EDNRB: variants seen among roughly 807,000 people sequenced by gnomAD.
EDNRB encodes the protein Hirschsprung disease 2.
Under a neutral mutation model 46.4 loss-of-function variants are expected in EDNRB, and 18 were observed. The observed-to-expected ratio is 0.39, with a 90% CI of 0.27 to 0.57. The LOEUF (loss-of-function observed/expected upper bound fraction) is 0.57. Among genes scored for constraint, EDNRB ranks in the 20% least tolerant of loss-of-function variants. The pLI, the probability that EDNRB is intolerant of heterozygous loss-of-function variation, is 0.61. For synonymous variants in EDNRB, 213 were observed against 204.9 expected, an observed-to-expected ratio of 1.04 and a Z score of -0.34; for missense variants, 434 against 537.5, an observed-to-expected ratio of 0.81 and a Z score of 1.90.
intron 1 of EDNRB, among the ~76,000 whole-genome samples, chr13:77,954,963 A>G (rs1051549457): frequency 2.0e-5 from 3 of 152,166 alleles, no homozygotes; most frequent in Non-Finnish European, 2.9e-5. Flanking sequence ...TCTTGATTCC[A>G]ATTCTTTTAG....
At chr13:77,942,581 T>C (rs572724040) in intron 1 of EDNRB, among the ~76,000 whole-genome samples, 1 of 152,294 alleles carries the variant, frequency 6.6e-6, no homozygotes, top group African/African-American at 2.4e-5. Context: ...AGGGAGACGA[T>C]TTGAATCATT....
rs564687959 is a variant in EDNRB, at chr13:77,965,536, A to C, written c.-52+9811T>G. 3.9e-5 allele frequency among the ~76,000 whole-genome samples: 6 copies of C among 152,288 alleles called. 1 individual carries two copies. In the East Asian group the frequency reaches 1.2e-3, roughly 29 times the overall value. ...AGTAAATGTAATTCTGTTATTGTTC[A>C]AAACTCTGAGATTCTCTGATAATTT... On this transcript the variant is annotated intron_variant, in intron 1 of 7. Coordinates refer to the EDNRB transcript ENST00000646948.
intron 1 of EDNRB, among the ~76,000 whole-genome samples, chr13:77,937,889 G>A (rs1364183101): frequency 1.3e-5 from 2 of 152,162 alleles, no homozygotes; most frequent in African/African-American, 4.8e-5. Context: ...CGGGAACAGA[G>A]ACTAGGGAGG....
chr13:77,935,200 G>A (rs1257129687), intron 1 of EDNRB, among the ~76,000 whole-genome samples: 4 of 152,318 alleles, frequency 2.6e-5, no homozygotes, highest in South Asian at 2.1e-4. Flanking sequence ...GGGCGGCGGC[G>A]GCCGCCACAC....
At chr13:77,929,894 G>A (rs1880340775) in intron 1 of EDNRB, among the ~76,000 whole-genome samples, 1 of 152,166 alleles carries the variant, frequency 6.6e-6, no homozygotes, top group African/African-American at 2.4e-5. Flanking sequence ...ATTCAGTATA[G>A]TGCGTGGAAT....
At chr13:77,924,255 C>A (rs749485002), upstream of EDNRB, among the ~76,000 whole-genome samples, 2 of 152,164 alleles carry the variant, frequency 1.3e-5, no homozygotes, top group Admixed American at 6.5e-5. Context: ...TGCTTCTTCT[C>A]TTTTGGGCCC....
intron 1 of EDNRB, among the ~76,000 whole-genome samples, chr13:77,915,985 C>A (rs1033005584): frequency 6.6e-6 from 1 of 152,182 alleles, no homozygotes; most frequent in African/African-American, 2.4e-5. Flanking sequence ...ATTACAAATA[C>A]TCATTTAACC....
At chr13:77,932,904 T>C (rs1003848728) in intron 1 of EDNRB, among the ~76,000 whole-genome samples, 3 of 152,190 alleles carry the variant, frequency 2.0e-5, no homozygotes, top group Non-Finnish European at 2.9e-5. Flanking sequence ...GCATAATGAC[T>C]TTTGGAGAAT....
chr13:77,920,544 C>T (rs948944440), upstream of EDNRB, among the ~76,000 whole-genome samples: 1 of 152,168 alleles, frequency 6.6e-6, no homozygotes. Flanking sequence ...GGGACAAGAA[C>T]CTTGGATTTT....
At chr13:77,968,922 T>C (rs1045187731) in intron 1 of EDNRB, among the ~76,000 whole-genome samples, 1 of 152,130 alleles carries the variant, frequency 6.6e-6, no homozygotes, top group African/African-American at 2.4e-5. Flanking sequence ...TATTCAGGAG[T>C]AATGAGAGAC....
intron 1 of EDNRB, among the ~76,000 whole-genome samples, chr13:77,934,007 A>G (rs568851420): frequency 6.6e-6 from 1 of 152,348 alleles, no homozygotes; most frequent in African/African-American, 2.4e-5. Flanking sequence ...GAGGTTCAGC[A>G]TAGCCTTGCC....
intron 1 of EDNRB, among the ~76,000 whole-genome samples, chr13:77,943,694 T>C (rs987418079): frequency 1.3e-5 from 2 of 152,112 alleles, no homozygotes; most frequent in Non-Finnish European, 2.9e-5. Context: ...CCTTTCCTCA[T>C]GGAAACTTCA....
At chr13:77,948,902 CAT>C (rs781689886) in intron 1 of EDNRB, among the ~76,000 whole-genome samples, 4 of 152,256 alleles carry the variant, frequency 2.6e-5, no homozygotes, top group South Asian at 4.2e-4. Context: ...GGAAGTAAAA[CAT>C]AAAAGATTGC....
chr13:77,937,801 A>C (rs1880612170), intron 1 of EDNRB, among the ~76,000 whole-genome samples: 1 of 152,070 alleles, frequency 6.6e-6, no homozygotes, highest in African/African-American at 2.4e-5. Flanking sequence ...GGAAGATTAG[A>C]AAGACTCAGT....
At chr13:77,940,622 A>G (rs911723757) in intron 1 of EDNRB, among the ~76,000 whole-genome samples, 10 of 152,110 alleles carry the variant, frequency 6.6e-5, no homozygotes, top group Admixed American at 2.6e-4. Flanking sequence ...CATGAGAAGC[A>G]TGTATACTCA....
At chr13:77,970,447 G>A (rs940342979) in intron 1 of EDNRB, among the ~76,000 whole-genome samples, 9 of 152,248 alleles carry the variant, frequency 5.9e-5, no homozygotes, top group African/African-American at 1.9e-4. Flanking sequence ...AGCAATTCCT[G>A]TCCCTTTTTA....
intron 1 of EDNRB, among the ~76,000 whole-genome samples, chr13:77,960,109 ACT>A (rs1293147085): frequency 6.6e-5 from 10 of 152,338 alleles, no homozygotes; most frequent in Admixed American, 2.6e-4. Flanking sequence ...GTTGGAAAAC[ACT>A]CTGCAGAATA....
intron 1 of EDNRB, among the ~76,000 whole-genome samples, chr13:77,926,175 A>G (rs1880231446): frequency 6.6e-6 from 1 of 152,190 alleles, no homozygotes; most frequent in South Asian, 2.1e-4. Flanking sequence ...CATTTTCCCC[A>G]TGGTCTTTGG....
intron 3 of EDNRB, among the ~76,000 whole-genome samples, chr13:77,901,716 T>A (rs905333032): frequency 6.6e-6 from 1 of 152,000 alleles, no homozygotes; most frequent in Non-Finnish European, 1.5e-5. Flanking sequence ...ACTTATGTCG[T>A]ATCTCTTATT....
Sources: allele counts gnomAD v4.1 joint callset (sites outside exome capture counted in the v4.1 genomes callset), GRCh38; gene constraint gnomAD v4.1.1; transcripts MANE v1.5; gene names NCBI Gene and HGNC (gene_info 2026-07-23, HGNC 2026-07-21).